Variants in CDNF observed in about 807,000 individuals in gnomAD.
CDNF encodes ARMET-like protein 1.
In CDNF, 9 loss-of-function variants were observed where a neutral mutation model predicts 14.8. That is an observed-to-expected ratio of 0.61 (90% CI 0.37 to 1.06). The LOEUF (loss-of-function observed/expected upper bound fraction) is 1.06, where lower values mean the gene tolerates loss of function less well. Ranked by LOEUF, CDNF falls within the 50% of genes least tolerant of loss-of-function variation. CDNF has a pLI of 0.01. For synonymous variants in CDNF, 86 were observed against 87.2 expected, an observed-to-expected ratio of 0.99 and a Z score of 0.07; for missense variants, 228 against 228.4, an observed-to-expected ratio of 1.00 and a Z score of 0.01.
intron 2 of CDNF, among the ~76,000 whole-genome samples, chr10:14,826,331 T>TCAGAAGCAGCAGAAG (rs777306419): frequency 1.6e-5 from 2 of 127,290 alleles, no homozygotes; most frequent in African/African-American, 3.1e-5. Flanking sequence ...AGTGGAGGAA[T>TCAGAAGCAGCAGAAG]CAGAAGCAGC....
At chr10:14,824,364 G>A (rs935805462) in intron 3 of CDNF, among the ~76,000 whole-genome samples, 9 of 152,150 alleles carry the variant, frequency 5.9e-5, no homozygotes, top group African/African-American at 1.9e-4. Context: ...CTAGCACTTT[G>A]AGAGGACAAG....
Position 14,827,885 on chromosome 10 carries a change from C to G in CDNF, c.243+260G>C, listed in dbSNP as rs557266004. ...CTAGCCTGGGCAACAGAGCAAGACT[C>G]TGTCTCAGAAAAAGAAAAAAGAAAA... On this transcript the variant is annotated intron_variant, in intron 2 of 3. Transcript: ENST00000465530. Among the ~76,000 whole-genome samples, 4 of 149,484 alleles carry G rather than the reference C, an allele frequency of 2.7e-5. No individual in the cohort carries two copies. In the South Asian group the frequency reaches 6.2e-4, roughly 23 times the overall value.
chr10:14,825,045 C>A (rs1833767799), intron 3 of CDNF, among the ~76,000 whole-genome samples: 1 of 151,910 alleles, frequency 6.6e-6, no homozygotes, highest in South Asian at 2.1e-4. Context: ...CCTCTGCCTC[C>A]CGGGTTCAAG....
chr10:14,826,008 C>CAGCAGA (rs1833777110), intron 2 of CDNF, among the ~76,000 whole-genome samples: 1 of 84,918 alleles, frequency 1.2e-5, no homozygotes, highest in African/African-American at 5.6e-5. Context: ...GCAGAAGAAG[C>CAGCAGA]AGAAGCAGAA....
At chr10:14,826,014 C>CAGAAGCAGAAGAAGG (rs1358454554) in intron 2 of CDNF, among the ~76,000 whole-genome samples, 4 of 92,836 alleles carry the variant, frequency 4.3e-5, no homozygotes, top group African/African-American at 5.4e-5. Flanking sequence ...GAAGCAGAAG[C>CAGAAGCAGAAGAAGG]AGAAGAAGAA....
intron 3 of CDNF, among the ~76,000 whole-genome samples, chr10:14,822,503 G>T (rs904733988): frequency 6.6e-6 from 1 of 151,278 alleles, no homozygotes; most frequent in Admixed American, 6.6e-5. Flanking sequence ...TTGAACCCAG[G>T]AGGCTGAGGT....
chr10:14,819,872 ATGAGAC>A lies in CDNF; in HGVS notation c.*102_*107del. The stretch of plus-strand genomic sequence containing the variant: ...GAGGAATAATACCAACACAAAAAGC[ATGAGAC>A]CAAATATGATGCATTCCCAGTTATC... On this transcript the variant is annotated 3_prime_UTR_variant, in exon 4 of 4. Coordinates refer to ENST00000465530, the MANE Select transcript of CDNF (RefSeq NM_001029954.3). 1 of 1,127,872 alleles carries A rather than the reference ATGAGAC, an allele frequency of 8.9e-7. No individual in the cohort carries two copies. The highest frequency in any genetic ancestry group is 1.3e-6 in the Non-Finnish European group (1 of 794,600). 69.9% of individuals were successfully genotyped at this position (1,127,872 alleles called of 1,614,324 possible).
At chr10:14,829,591 G>A (rs1050690875) in intron 1 of CDNF, among the ~76,000 whole-genome samples, 1 of 152,028 alleles carries the variant, frequency 6.6e-6, no homozygotes, top group African/African-American at 2.4e-5. Flanking sequence ...ATCTGTGTGT[G>A]AAAATTTCAA....
At chr10:14,836,658 G>A (rs1274994117) in intron 1 of CDNF, among the ~76,000 whole-genome samples, 2 of 152,238 alleles carry the variant, frequency 1.3e-5, no homozygotes, top group East Asian at 1.9e-4. Flanking sequence ...AGGACTGGGC[G>A]CTGTGGCTCA....
intron 1 of CDNF, among the ~76,000 whole-genome samples, chr10:14,829,968 T>C (rs1015811231): frequency 2.0e-5 from 3 of 152,194 alleles, no homozygotes; most frequent in African/African-American, 7.2e-5. Context: ...TTCTTGTTCC[T>C]GGTGCCTCGT....
chr10:14,837,479 T>G (rs1833902409), intron 1 of CDNF, among the ~76,000 whole-genome samples: 1 of 152,244 alleles, frequency 6.6e-6, no homozygotes, highest in Non-Finnish European at 1.5e-5. Context: ...GAAAGACGTC[T>G]TCTGTGCAAG....
At chr10:14,837,801 C>A in intron 1 of CDNF, 31 bp downstream of exon 1, 1 of 1,387,922 alleles carries the variant, frequency 7.2e-7, no homozygotes, top group Non-Finnish European at 9.9e-7. Context: ...CGCGGGGCCG[C>A]CGCCATGCAA....
intron 3 of CDNF, among the ~76,000 whole-genome samples, chr10:14,820,724 T>A (rs570119861): frequency 1.3e-5 from 2 of 151,818 alleles, no homozygotes; most frequent in East Asian, 3.9e-4. Flanking sequence ...AGATTGAGAC[T>A]CTGTCTCAAA....
chr10:14,825,766 AG>A, intron 2 of CDNF, 146 bp from the exon 3 acceptor site: 2 of 802,190 alleles, frequency 2.5e-6, no homozygotes, highest in Middle Eastern at 3.5e-4. Flanking sequence ...TGGGAGGTTG[AG>A]GAGGGCAGAT....
intron 2 of CDNF, among the ~76,000 whole-genome samples, chr10:14,826,901 C>A (rs1343857109): frequency 1.3e-5 from 2 of 151,952 alleles, no homozygotes; most frequent in Non-Finnish European, 2.9e-5. Flanking sequence ...AGCTCCCTGA[C>A]TTCAAAATTT....
At chr10:14,835,436 G>A (rs1038888925) in intron 1 of CDNF, among the ~76,000 whole-genome samples, 3 of 152,182 alleles carry the variant, frequency 2.0e-5, no homozygotes, top group African/African-American at 4.8e-5. Context: ...CTCTGAAAGG[G>A]AAAGATGTCA....
chr10:14,824,138 G>A (rs1409137549), intron 3 of CDNF, among the ~76,000 whole-genome samples: 1 of 152,170 alleles, frequency 6.6e-6, no homozygotes, highest in East Asian at 1.9e-4. Context: ...GCAAAACAAT[G>A]ACTTAAGCAA....
chr10:14,826,988 G>C (rs2131624645), intron 2 of CDNF, among the ~76,000 whole-genome samples: 1 of 149,746 alleles, frequency 6.7e-6, no homozygotes, highest in South Asian at 2.1e-4. Context: ...GGCCAAGGCG[G>C]GTGAATCACT....
intron 1 of CDNF, chr10:14,834,149 T>G (rs922572852): frequency 2.6e-5 from 4 of 152,052 alleles, no homozygotes; most frequent in Admixed American, 1.3e-4. Flanking sequence ...AAGACCAGCC[T>G]CGGCAACATA....
Sources: gnomAD v4.1 joint callset for allele counts (sites outside exome capture counted in the v4.1 genomes callset) on GRCh38, gnomAD v4.1.1 for gene constraint, MANE v1.5 for transcripts, NCBI Gene and HGNC (gene_info 2026-07-23, HGNC 2026-07-21) for gene names.